Variants in MEMO1 observed in about 807,000 individuals in gnomAD.
MEMO1 encodes protein MEMO1.
Under a neutral mutation model 45.2 loss-of-function variants are expected in MEMO1, and 6 were observed. The observed-to-expected ratio is 0.13, with a 90% CI of 0.07 to 0.26. The LOEUF is 0.26. Among genes scored for constraint, MEMO1 ranks in the 10% least tolerant of loss-of-function variants. MEMO1 has a pLI of 1.00. For synonymous variants in MEMO1, 78 were observed against 124.3 expected (o/e 0.63, Z 2.48); for missense variants, 184 against 370.5 (o/e 0.50, Z 4.13).
chr2:31,984,550 C>T (rs1197726991), intron 2 of MEMO1, among the ~76,000 whole-genome samples: 3 of 152,192 alleles, frequency 2.0e-5, no homozygotes, highest in Non-Finnish European at 4.4e-5. Context: ...TGGCTCACAC[C>T]TGTAATCTCA....
At chr2:31,887,743 G>A (rs564553615) in intron 7 of MEMO1, among the ~76,000 whole-genome samples, 1 of 152,086 alleles carries the variant, frequency 6.6e-6, no homozygotes, top group Non-Finnish European at 1.5e-5. Context: ...AAATCTGCAT[G>A]TACAAATATT....
intron 6 of MEMO1, among the ~76,000 whole-genome samples, chr2:31,911,330 G>A (rs1228656166): frequency 6.6e-6 from 1 of 152,164 alleles, no homozygotes; most frequent in Non-Finnish European, 1.5e-5. Flanking sequence ...CAAATCTACT[G>A]AGACAGTAAA....
chr2:31,871,250 G>C (rs1017709963), intron 8 of MEMO1, among the ~76,000 whole-genome samples: 5 of 152,150 alleles, frequency 3.3e-5, no homozygotes, highest in African/African-American at 9.7e-5. Flanking sequence ...GGTTTAACTA[G>C]GGACTTAACT....
At chr2:31,935,054 A>C (rs1664752344) in intron 3 of MEMO1, among the ~76,000 whole-genome samples, 1 of 152,304 alleles carries the variant, frequency 6.6e-6, no homozygotes, top group East Asian at 1.9e-4. Flanking sequence ...TATGTACTTC[A>C]AAGTATTAAA....
At chr2:31,905,163 G>A (rs1679476970) in intron 6 of MEMO1, among the ~76,000 whole-genome samples, 1 of 152,112 alleles carries the variant, frequency 6.6e-6, no homozygotes, top group Non-Finnish European at 1.5e-5. Flanking sequence ...GAGCCTGGGA[G>A]GTGGAGGCTG....
At chr2:31,883,926 C>T (rs895117631) in intron 7 of MEMO1, among the ~76,000 whole-genome samples, 17 of 150,368 alleles carry the variant, frequency 1.1e-4, no homozygotes, top group Admixed American at 2.0e-4. Context: ...ACCATGAGGT[C>T]GCAAATACTG....
intron 2 of MEMO1, chr2:31,963,380 C>A: frequency 9.1e-7 from 1 of 1,095,214 alleles, no homozygotes; most frequent in Non-Finnish European, 1.2e-6. Flanking sequence ...CTGAAGGACA[C>A]TGACTAATAC....
At chr2:31,982,505 G>A (rs140365618) in intron 2 of MEMO1, among the ~76,000 whole-genome samples, 2,171 of 149,060 alleles carry the variant, frequency 0.015, 28 homozygotes, top group Non-Finnish European at 0.025. Flanking sequence ...CAGGAGAATC[G>A]TTTGAACCCA....
intron 2 of MEMO1, among the ~76,000 whole-genome samples, chr2:31,963,501 T>C (rs1668263839): frequency 6.6e-6 from 1 of 152,138 alleles, no homozygotes; most frequent in Non-Finnish European, 1.5e-5. Context: ...AACTGGTAAA[T>C]AAAAGAAAAA....
intron 4 of MEMO1, among the ~76,000 whole-genome samples, chr2:31,927,713 T>A (rs1683316998): frequency 1.3e-5 from 2 of 152,106 alleles, no homozygotes; most frequent in Admixed American, 1.3e-4. Context: ...TATTTCTCAT[T>A]TTTAAAAATG....
chr2:31,978,783 G>A (rs1469501542), intron 2 of MEMO1, among the ~76,000 whole-genome samples: 1 of 152,140 alleles, frequency 6.6e-6, no homozygotes, highest in Non-Finnish European at 1.5e-5. Context: ...TTGTCTCCTT[G>A]TTATTCAGTA....
intron 3 of MEMO1, among the ~76,000 whole-genome samples, chr2:31,940,723 G>T (rs961829062): frequency 2.6e-5 from 4 of 152,202 alleles, no homozygotes; most frequent in Admixed American, 6.5e-5. Flanking sequence ...TGTAGAGATG[G>T]AGTCTTGTTT....
intron 2 of MEMO1, among the ~76,000 whole-genome samples, chr2:31,975,698 T>A (rs1669928836): frequency 6.6e-6 from 1 of 152,166 alleles, no homozygotes; most frequent in South Asian, 2.1e-4. Flanking sequence ...CAAATAAGCA[T>A]TAGTGCTAAC....
At chr2:31,884,384 A>T (rs1572564250) in intron 7 of MEMO1, among the ~76,000 whole-genome samples, 1 of 152,180 alleles carries the variant, frequency 6.6e-6, no homozygotes, top group East Asian at 1.9e-4. Flanking sequence ...AAGATTGACC[A>T]AAATGCATTT....
chr2:31,969,873 G>A (rs965656719), intron 2 of MEMO1, among the ~76,000 whole-genome samples: 2 of 151,904 alleles, frequency 1.3e-5, no homozygotes, highest in Non-Finnish European at 2.9e-5. Flanking sequence ...TGGGATTATA[G>A]GCGTGAGCCA....
rs397800267 is a variant in MEMO1 at position 31,993,949 on chromosome 2, C to CTTTTTTTTTTT, written c.61+16227_61+16237dup. Among the ~76,000 whole-genome samples the CTTTTTTTTTTT allele has an allele frequency of 4.1e-4, 30 of 73,610 alleles. 4 individuals are homozygous for CTTTTTTTTTTT. The highest frequency in any genetic ancestry group is 1.3e-3 in the South Asian group (2 of 1,546). 48.3% of individuals were successfully genotyped at this position (73,610 alleles called of 152,430 possible). On this transcript the variant is annotated intron_variant, in intron 2 of 9. Coordinates refer to ENST00000404530, the MANE Select transcript of MEMO1 (RefSeq NM_001301833.4). ...AATACAGAAATATCATCAATACTTT[C>CTTTTTTTTTTT]TTTTTTTTTTTTTTTTTTTTTTTTT... is the stretch of plus-strand genomic sequence containing the variant.
At chr2:31,966,124 G>A (rs1000237953) in intron 2 of MEMO1, among the ~76,000 whole-genome samples, 1 of 151,944 alleles carries the variant, frequency 6.6e-6, no homozygotes, top group Non-Finnish European at 1.5e-5. Context: ...AGCTCAACTG[G>A]CCCAATCTCC....
At chr2:31,939,962 A>G (rs1242103827) in intron 3 of MEMO1, among the ~76,000 whole-genome samples, 1 of 152,130 alleles carries the variant, frequency 6.6e-6, no homozygotes, top group Non-Finnish European at 1.5e-5. Context: ...TCTCAAGGTC[A>G]CCAGTGATTT....
chr2:31,929,315 CT>C (rs1558510969), intron 4 of MEMO1, among the ~76,000 whole-genome samples: 1 of 151,894 alleles, frequency 6.6e-6, no homozygotes, highest in Non-Finnish European at 1.5e-5. Context: ...TATCCTTTGT[CT>C]TTTTTTGCAA....
Sources: allele counts gnomAD v4.1 joint callset (sites outside exome capture counted in the v4.1 genomes callset), GRCh38; gene constraint gnomAD v4.1.1; transcripts MANE v1.5; gene names NCBI Gene and HGNC (gene_info 2026-07-23, HGNC 2026-07-21).